The following BLOC1S6 variants were observed in gnomAD, a reference collection of about 807,000 sequenced individuals.
BLOC1S6 encodes biogenesis of lysosome-related organelles complex 1 subunit 6.
In BLOC1S6, 24 loss-of-function variants were observed where a neutral mutation model predicts 24.7. The observed-to-expected ratio is 0.97, with a 90% CI of 0.70 to 1.37. BLOC1S6 has a LOEUF of 1.37. BLOC1S6 is among the 40% of genes most tolerant of loss of function. The pLI is 0.00. For missense variants in BLOC1S6, 175 were observed against 196.2 expected (o/e 0.89, Z 0.64); for synonymous variants, 76 against 72.6 (o/e 1.05, Z -0.23).
In BLOC1S6 at chr15:45,606,549, A is replaced by T; in HGVS notation, c.*35A>T. 1 of 1,614,096 alleles carries T rather than the reference A, an allele frequency of 6.2e-7. No individual in the cohort carries two copies. The highest frequency in any genetic ancestry group is 8.5e-7 in the Non-Finnish European group (1 of 1,180,018). On this transcript the variant is annotated 3_prime_UTR_variant, in exon 5 of 5. Transcript: ENST00000220531. ...TTTGTGTGTTTTCTTCTCCTGTCCC[A>T]TATTTGGGTTATGATGACTCAAGTG... is the stretch of plus-strand genomic sequence containing the variant.
Position 45,587,646 on chromosome 15 carries a change from G to A in BLOC1S6, c.82+121G>A, listed in dbSNP as rs979919230. On this transcript the variant is annotated intron_variant, in intron 1 of 4. Coordinates refer to ENST00000220531, the MANE Select transcript of BLOC1S6 (RefSeq NM_012388.4). ...GGTTTTTGGCGGCTGCGGCCCCCGG[G>A]CCCTGCCCCGAGTGCAGAAATGGGG... The A allele has an allele frequency of 2.0e-5, 21 of 1,027,164 alleles. No homozygotes were observed. The African/African-American group carries it at 2.9e-4, about 14-fold the overall frequency. The allele number at this position is 1,027,164 out of a possible 1,614,324, so 63.6% of individuals were successfully genotyped here.
chr15:45,587,652 C>T (rs1341079937), intron 1 of BLOC1S6, 127 bp downstream of exon 1: 2 of 971,228 alleles, frequency 2.1e-6, no homozygotes, highest in African/African-American at 3.2e-5. Flanking sequence ...CCGGGCCCTG[C>T]CCCGAGTGCA....
At chr15:45,588,396 C>G (rs1201405758) in intron 1 of BLOC1S6, among the ~76,000 whole-genome samples, 3 of 152,244 alleles carry the variant, frequency 2.0e-5, no homozygotes, top group African/African-American at 7.2e-5. Flanking sequence ...GCACTAATCT[C>G]ACGTAAGGCA....
chr15:45,588,424 A>T lies in BLOC1S6; in HGVS notation c.82+899A>T, dbSNP rs367663736. Among the ~76,000 whole-genome samples, 158 of 152,340 alleles carry T rather than the reference A, an allele frequency of 1.0e-3. 2 individuals are homozygous for T. The South Asian group carries it at 0.017, about 17-fold the overall frequency. On this transcript the variant is annotated intron_variant, in intron 1 of 4. Transcript: ENST00000220531. ...GTAAGGCATGTACATAAATGAAAAC[A>T]TGTCTCATCCTGTTAATGGTGGTAG...
At chr15:45,589,638 C>G (rs988923932) in intron 1 of BLOC1S6, among the ~76,000 whole-genome samples, 1 of 152,206 alleles carries the variant, frequency 6.6e-6, no homozygotes, top group African/African-American at 2.4e-5. Flanking sequence ...GGGAAGGAGA[C>G]TTGCCTTATT....
intron 2 of BLOC1S6, among the ~76,000 whole-genome samples, chr15:45,594,553 G>A (rs975182744): frequency 4.6e-5 from 7 of 152,138 alleles, no homozygotes; most frequent in African/African-American, 1.7e-4. Context: ...ATGAAGTTGA[G>A]TCATCTTTTC....
At chr15:45,595,415 C>T (rs1399285060) in intron 2 of BLOC1S6, among the ~76,000 whole-genome samples, 1 of 152,158 alleles carries the variant, frequency 6.6e-6, no homozygotes, top group Non-Finnish European at 1.5e-5. Context: ...GGACAAAGAT[C>T]AGACAAATTC....
chr15:45,606,698 T>C lies in BLOC1S6; in HGVS notation c.*184T>C. 2.8e-6 allele frequency: 2 copies of C among 708,732 alleles called. No individual in the cohort carries two copies. The highest frequency in any genetic ancestry group is 3.3e-5 in the Admixed American group (1 of 30,222). 43.9% of individuals were successfully genotyped at this position (708,732 alleles called of 1,614,324 possible). ...ACGTCATGTTGCATGGTTTTTGATA[T>C]TTATATGTAAGTTTTTCAAATTTTG... On this transcript the variant is annotated 3_prime_UTR_variant, in exon 5 of 5. Transcript: ENST00000220531.
chr15:45,603,237 A>T, intron 3 of BLOC1S6, 50 bp downstream of exon 3: 12 of 1,205,902 alleles, frequency 1.0e-5, no homozygotes, highest in African/African-American at 2.7e-5. Context: ...TCTTAGCAAT[A>T]GCTAAGACTT....
chr15:45,591,412 CTTTAT>C (rs1346361324), intron 1 of BLOC1S6, among the ~76,000 whole-genome samples: 1 of 152,068 alleles, frequency 6.6e-6, no homozygotes, highest in African/African-American at 2.4e-5. Context: ...CCTCAGGCTC[CTTTAT>C]TTTATTTTTA....
At chr15:45,597,345 G>A (rs1313936331) in intron 2 of BLOC1S6, among the ~76,000 whole-genome samples, 1 of 152,062 alleles carries the variant, frequency 6.6e-6, no homozygotes. Flanking sequence ...CTGGCGTGGT[G>A]GTGTGCACCT....
chr15:45,603,232 G>A (rs1407723287), intron 3 of BLOC1S6, 45 bp downstream of exon 3: 2 of 1,287,920 alleles, frequency 1.6e-6, no homozygotes, highest in South Asian at 1.2e-5. Context: ...TCTTGTCTTA[G>A]CAATAGCTAA....
intron 3 of BLOC1S6, 118 bp from the exon 4 acceptor site, chr15:45,605,310 T>A: frequency 1.4e-6 from 1 of 718,646 alleles, no homozygotes; most frequent in Non-Finnish European, 2.4e-6. Flanking sequence ...AAGATAAGGC[T>A]GTAAAAATTT....
chr15:45,589,031 C>G (rs1400716335), intron 1 of BLOC1S6, among the ~76,000 whole-genome samples: 1 of 152,162 alleles, frequency 6.6e-6, no homozygotes, highest in Non-Finnish European at 1.5e-5. Context: ...AGAATTTATC[C>G]TACAGAAAGT....
intron 2 of BLOC1S6, among the ~76,000 whole-genome samples, chr15:45,596,387 G>A (rs1047668442): frequency 1.3e-5 from 2 of 151,408 alleles, no homozygotes; most frequent in Non-Finnish European, 2.9e-5. Context: ...TTGTAGAGAT[G>A]GGGTTTCACC....
chr15:45,590,391 A>T (rs1893841185), intron 1 of BLOC1S6, among the ~76,000 whole-genome samples: 1 of 149,232 alleles, frequency 6.7e-6, no homozygotes, highest in Admixed American at 6.8e-5. Flanking sequence ...ATATGATAGC[A>T]TGTTGTTTTC....
rs1488903860 is a variant in BLOC1S6, at chr15:45,606,826, A to T, written c.*312A>T. 3.3e-6 allele frequency: 1 copy of T among 305,710 alleles called. No individual in the cohort carries two copies. Among genetic ancestry groups the T allele is most frequent in the Non-Finnish European group, 6.0e-6 (1 of 166,150 alleles). 18.9% of individuals were successfully genotyped at this position (305,710 alleles called of 1,614,324 possible). On this transcript the variant is annotated 3_prime_UTR_variant, in exon 5 of 5. Coordinates refer to ENST00000220531, the MANE Select transcript of BLOC1S6 (RefSeq NM_012388.4). ...TCTAAGTGGTTAAAAATTAGTATGA[A>T]TTTTTTAGCTTCTTAATGAATATGG...
chr15:45,591,143 T>C (rs1434418925), intron 1 of BLOC1S6, among the ~76,000 whole-genome samples: 1 of 152,210 alleles, frequency 6.6e-6, no homozygotes, highest in Non-Finnish European at 1.5e-5. Context: ...CTATTTTCTA[T>C]GGTAAATTAA....
At chr15:45,596,550 G>T (rs1054097643) in intron 2 of BLOC1S6, among the ~76,000 whole-genome samples, 26 of 152,116 alleles carry the variant, frequency 1.7e-4, no homozygotes, top group African/African-American at 6.3e-4. Context: ...TTGCACCTTT[G>T]TCAAAGAGAA....
Sources: gnomAD v4.1 joint callset for allele counts (sites outside exome capture counted in the v4.1 genomes callset) on GRCh38, gnomAD v4.1.1 for gene constraint, MANE v1.5 for transcripts, NCBI Gene and HGNC (gene_info 2026-07-23, HGNC 2026-07-21) for gene names.